The following FHIT variants were observed in gnomAD, a reference collection of about 807,000 sequenced individuals.
FHIT encodes the protein bis(5'-adenosyl)-triphosphatase.
FHIT carries 19 observed loss-of-function variants against 17.9 expected under a neutral mutation model. The ratio of observed to expected loss-of-function variants is 1.06; its 90% confidence interval spans 0.74 to 1.56. FHIT has a LOEUF of 1.56. FHIT is among the 40% of genes most tolerant of loss of function. FHIT has a pLI of 0.00. For synonymous variants in FHIT, 81 were observed against 69.7 expected, an observed-to-expected ratio of 1.16 and a Z score of -0.81; for missense variants, 248 against 189.2, an observed-to-expected ratio of 1.31 and a Z score of -1.82.
intron 8 of FHIT, among the ~76,000 whole-genome samples, chr3:59,754,369 A>G (rs1701090000): frequency 6.6e-6 from 1 of 152,344 alleles, no homozygotes; most frequent in Admixed American, 6.5e-5. Flanking sequence ...AAACCACATT[A>G]AGAAGTCATT....
At chr3:60,282,511 T>C (rs965622856) in intron 5 of FHIT, among the ~76,000 whole-genome samples, 1 of 152,196 alleles carries the variant, frequency 6.6e-6, no homozygotes, top group Non-Finnish European at 1.5e-5. Context: ...AATATGCATC[T>C]GTAAAACTCC....
intron 8 of FHIT, among the ~76,000 whole-genome samples, chr3:59,835,815 A>C (rs994551476): frequency 5.9e-5 from 9 of 152,194 alleles, no homozygotes; most frequent in Non-Finnish European, 1.2e-4. Context: ...GCCTATAATG[A>C]AATTCTAAGA....
intron 5 of FHIT, among the ~76,000 whole-genome samples, chr3:60,494,850 A>G (rs1044315776): frequency 2.0e-5 from 3 of 152,166 alleles, no homozygotes; most frequent in African/African-American, 7.2e-5. Context: ...GTGATTAAGT[A>G]CCACATTTTT....
chr3:60,550,422 AC>A (rs1349957405), intron 4 of FHIT, among the ~76,000 whole-genome samples: 41 of 152,216 alleles, frequency 2.7e-4, no homozygotes, highest in Admixed American at 1.3e-3. Flanking sequence ...ACATTTTTAT[AC>A]AAAGAGAATT....
intron 5 of FHIT, among the ~76,000 whole-genome samples, chr3:60,181,262 C>A (rs148081178): frequency 0.18 from 27,460 of 151,414 alleles, 3,112 homozygotes; most frequent in East Asian, 0.31. Flanking sequence ...TCTCCCACCT[C>A]AGCCTCCCAA....
At chr3:60,383,658 GA>G (rs35292125) in intron 5 of FHIT, among the ~76,000 whole-genome samples, 48 of 147,894 alleles carry the variant, frequency 3.2e-4, no homozygotes, top group Admixed American at 6.7e-4. Context: ...ATGAGCTACT[GA>G]AAAAAAAAAA....
chr3:60,154,161 G>A (rs921306429), intron 5 of FHIT, among the ~76,000 whole-genome samples: 32 of 152,210 alleles, frequency 2.1e-4, no homozygotes, highest in African/African-American at 7.2e-4. Context: ...CCAAGCATGT[G>A]GGAGTTATCC....
chr3:61,138,558 A>G (rs1024296025), intron 2 of FHIT, among the ~76,000 whole-genome samples: 2 of 152,302 alleles, frequency 1.3e-5, no homozygotes, highest in African/African-American at 4.8e-5. Context: ...GGCACTTAAT[A>G]AAGGCTTAAT....
At chr3:60,436,477 C>A (rs914462663) in intron 5 of FHIT, among the ~76,000 whole-genome samples, 2 of 152,084 alleles carry the variant, frequency 1.3e-5, no homozygotes. Context: ...GTGCTGAGGA[C>A]ACAGCAGTGA....
At chr3:60,117,881 G>A (rs186039759) in intron 5 of FHIT, among the ~76,000 whole-genome samples, 1 of 152,266 alleles carries the variant, frequency 6.6e-6, no homozygotes, top group Non-Finnish European at 1.5e-5. Context: ...TGCAGGGTCA[G>A]TACCCAGATG....
intron 8 of FHIT, among the ~76,000 whole-genome samples, chr3:59,845,465 T>A (rs1701684735): frequency 6.6e-6 from 1 of 152,154 alleles, no homozygotes; most frequent in Non-Finnish European, 1.5e-5. Flanking sequence ...TGTTTGGATA[T>A]GTTGTGTTTT....
intron 8 of FHIT, among the ~76,000 whole-genome samples, chr3:59,834,454 G>A (rs962059586): frequency 5.3e-5 from 8 of 152,100 alleles, no homozygotes; most frequent in Admixed American, 2.0e-4. Context: ...CACTTTGGGC[G>A]ACTATCAAAA....
chr3:60,699,379 A>G (rs1577082392), intron 4 of FHIT, among the ~76,000 whole-genome samples: 1 of 152,296 alleles, frequency 6.6e-6, no homozygotes, highest in Admixed American at 6.5e-5. Flanking sequence ...CCTCTACTGT[A>G]TAATACTGAG....
chr3:60,306,293 A>G, intron 5 of FHIT, among the ~76,000 whole-genome samples: 1 of 152,138 alleles, frequency 6.6e-6, no homozygotes, highest in East Asian at 1.9e-4. Flanking sequence ...TAAAATTAAA[A>G]ACATATCTCC....
rs1398039198 is a variant in FHIT at position 60,640,744 on chromosome 3, A to G, written c.-17-103765T>C. Among the ~76,000 whole-genome samples the G allele has an allele frequency of 4.6e-5, 7 of 152,340 alleles. No individual in the cohort carries two copies. The East Asian group carries it at 1.3e-3, about 29-fold the overall frequency. On this transcript the variant is annotated intron_variant, in intron 4 of 9. Coordinates refer to ENST00000492590, the MANE Select transcript of FHIT (RefSeq NM_002012.4). ...AATGAATGAAAATCAAACATGGACT[A>G]TTTATCATATATTAAAGAATGCTTG...
chr3:60,472,724 C>T (rs905837784), intron 5 of FHIT, among the ~76,000 whole-genome samples: 1 of 152,044 alleles, frequency 6.6e-6, no homozygotes, highest in Admixed American at 6.6e-5. Flanking sequence ...TTTGGTTTCT[C>T]ATAGAGAAAA....
intron 5 of FHIT, among the ~76,000 whole-genome samples, chr3:60,478,328 G>A (rs2033446676): frequency 1.3e-5 from 2 of 152,136 alleles, no homozygotes; most frequent in African/African-American, 4.8e-5. Flanking sequence ...TGGGTCTTTT[G>A]CTGGCCAATG....
At chr3:61,222,910 A>G (rs1361891111) in intron 1 of FHIT, among the ~76,000 whole-genome samples, 1 of 152,226 alleles carries the variant, frequency 6.6e-6, no homozygotes, top group Non-Finnish European at 1.5e-5. Context: ...GAGGTTTCAA[A>G]AGACAATGGG....
At chr3:59,790,821 T>C (rs780993225) in intron 8 of FHIT, among the ~76,000 whole-genome samples, 4 of 152,188 alleles carry the variant, frequency 2.6e-5, no homozygotes, top group Admixed American at 6.6e-5. Flanking sequence ...AGCACTAACA[T>C]AGTCCCTGCT....
Sources: allele counts gnomAD v4.1 joint callset (sites outside exome capture counted in the v4.1 genomes callset), GRCh38; gene constraint gnomAD v4.1.1; transcripts MANE v1.5; gene names NCBI Gene and HGNC (gene_info 2026-07-23, HGNC 2026-07-21).